The following CCDC43 variants were observed in gnomAD, a reference collection of about 807,000 sequenced individuals.
CCDC43 encodes coiled-coil domain containing 43, also known as coiled-coil domain-containing protein 43.
In CCDC43, 20 loss-of-function variants were observed where a neutral mutation model predicts 33.3. That is an observed-to-expected ratio of 0.60 (90% CI 0.42 to 0.87). CCDC43 has a LOEUF of 0.87. Among genes scored for constraint, CCDC43 ranks in the 40% least tolerant of loss-of-function variants. The probability of loss-of-function intolerance (pLI) is 0.00; values close to 1 mark genes in which losing one functional copy is unlikely to be tolerated. For synonymous variants in CCDC43, 104 were observed against 106.5 expected (o/e 0.98, Z 0.14); for missense variants, 248 against 269.9 (o/e 0.92, Z 0.57).
intron 3 of CCDC43, 81 bp from the exon 4 acceptor site, chr17:44,680,724 G>C: frequency 9.8e-7 from 1 of 1,019,886 alleles, no homozygotes; most frequent in Non-Finnish European, 1.5e-6. Context: ...TGGTAAGTAG[G>C]AAAAGCACAC....
At chr17:44,681,263 A>C (rs1598734013) in intron 3 of CCDC43, among the ~76,000 whole-genome samples, 1 of 152,080 alleles carries the variant, frequency 6.6e-6, no homozygotes, top group Non-Finnish European at 1.5e-5. Context: ...ATGGTGAAAC[A>C]CTGTCTCTAC....
intron 1 of CCDC43, among the ~76,000 whole-genome samples, chr17:44,688,633 G>A (rs1598736816): frequency 1.3e-5 from 2 of 152,202 alleles, no homozygotes; most frequent in South Asian, 4.1e-4. Context: ...CATGAATGCA[G>A]AGACAACTCT....
chr17:44,683,299 GGGCA>G (rs1972189173), intron 2 of CCDC43, among the ~76,000 whole-genome samples: 1 of 152,126 alleles, frequency 6.6e-6, no homozygotes, highest in Admixed American at 6.5e-5. Context: ...AGGCTGAGGT[GGGCA>G]GATCACATGA....
intron 1 of CCDC43, among the ~76,000 whole-genome samples, chr17:44,685,874 G>A (rs1972227066): frequency 6.6e-6 from 1 of 152,130 alleles, no homozygotes; most frequent in African/African-American, 2.4e-5. Context: ...AGTAATAATG[G>A]ATTAAACACA....
chr17:44,678,915 T>C lies in CCDC43; in HGVS notation c.616A>G (p.Lys206Glu), dbSNP rs2144685228. 6.2e-7 allele frequency: 1 copy of C among 1,613,886 alleles called. No homozygotes were observed. Among genetic ancestry groups the C allele is most frequent in the Middle Eastern group, 1.6e-4 (1 of 6,062 alleles). The change falls in exon 5 of 5, where the codon AAG (lysine) becomes GAG (glutamate). Residue 206 changes from lysine (K) to glutamate (E), a missense_variant. Coordinates refer to ENST00000315286, the MANE Select transcript of CCDC43 (RefSeq NM_144609.3). ...KLQRERDKLA[K>E]QERKEKEKKR... Reference sequence around the variant, plus strand: ...TTTTCCTTTTCCTTGCGCTCCTGCTTGGCTAGTTTGTCTCTCTCCCTCTGC... The same window carrying C: ...TTTTCCTTTTCCTTGCGCTCCTGCTCGGCTAGTTTGTCTCTCTCCCTCTGC...
intron 1 of CCDC43, among the ~76,000 whole-genome samples, chr17:44,684,374 A>C (rs1248220781): frequency 6.6e-6 from 1 of 152,148 alleles, no homozygotes; most frequent in Non-Finnish European, 1.5e-5. Context: ...CAAATCTATC[A>C]CCTCACATAT....
Position 44,679,048 on chromosome 17 carries a change from A to G in CCDC43, c.488-5T>C. On this transcript the variant is annotated splice_polypyrimidine_tract_variant and splice_region_variant and intron_variant, in intron 4 of 4. Transcript: ENST00000315286. Reference sequence around the variant, plus strand: ...CATTGGTGTTTCGGAACAGAACTACAGGTGAGTTAAGGGATTAGGGTACAG... The same window carrying G: ...CATTGGTGTTTCGGAACAGAACTACGGGTGAGTTAAGGGATTAGGGTACAG... The G allele has an allele frequency of 6.2e-7, 1 of 1,611,834 alleles. No individual in the cohort carries two copies. The highest frequency in any genetic ancestry group is 8.5e-7 in the Non-Finnish European group (1 of 1,178,764).
Position 44,677,499 on chromosome 17 carries a change from A to G in CCDC43, c.*1357T>C, listed in dbSNP as rs940763810. ...TTATTTTTATTTTTTGCAATGCCAC[A>G]GTTATAGGAGTGTATGAAGAGGTAA... On this transcript the variant is annotated 3_prime_UTR_variant, in exon 5 of 5. Transcript: ENST00000315286. The G allele has an allele frequency of 1.3e-5, 2 of 151,936 alleles. No individual in the cohort carries two copies. Among genetic ancestry groups the G allele is most frequent in the Non-Finnish European group, 2.9e-5 (2 of 67,956 alleles). The allele number at this position is 151,936 out of a possible 1,614,324, so 9.4% of individuals were successfully genotyped here.
intron 1 of CCDC43, among the ~76,000 whole-genome samples, chr17:44,684,816 T>C (rs1285112120): frequency 6.6e-6 from 1 of 152,222 alleles, no homozygotes; most frequent in East Asian, 1.9e-4. Context: ...GGTCTCACTC[T>C]GTTACCCAGG....
intron 3 of CCDC43, chr17:44,681,737 C>A: frequency 2.4e-6 from 1 of 418,896 alleles, no homozygotes; most frequent in Admixed American, 3.8e-5. Context: ...TTTCTGAAAG[C>A]ATAATATAAA....
Position 44,678,780 on chromosome 17 carries a change from C to T in CCDC43, c.*76G>A. 1 of 1,415,608 alleles carries T rather than the reference C, an allele frequency of 7.1e-7. No individual in the cohort carries two copies. Among genetic ancestry groups the T allele is most frequent in the East Asian group, 2.4e-5 (1 of 41,756 alleles). The allele number at this position is 1,415,608 out of a possible 1,614,324, so 87.7% of individuals were successfully genotyped here. On this transcript the variant is annotated 3_prime_UTR_variant, in exon 5 of 5. Transcript: ENST00000315286. Reference sequence around the variant, plus strand: ...CCTTGGGAAACTACTTTGCAATGCACTCTCATTTCTCTTAAATACACAACC... The same window carrying T: ...CCTTGGGAAACTACTTTGCAATGCATTCTCATTTCTCTTAAATACACAACC...
intron 4 of CCDC43, 124 bp downstream of exon 4, chr17:44,680,461 C>G: frequency 1.4e-6 from 1 of 696,308 alleles, no homozygotes; most frequent in South Asian, 1.8e-5. Flanking sequence ...GAATAGGGCT[C>G]CCAATGTTAG....
intron 1 of CCDC43, among the ~76,000 whole-genome samples, chr17:44,686,271 TATG>T (rs778529191): frequency 4.6e-5 from 7 of 152,180 alleles, no homozygotes; most frequent in Non-Finnish European, 1.0e-4. Context: ...ACAGACTTAT[TATG>T]TATATCCTTA....
intron 3 of CCDC43, 65 bp downstream of exon 3, chr17:44,681,938 T>C (rs1972169215): frequency 2.5e-6 from 4 of 1,604,342 alleles, no homozygotes; most frequent in Non-Finnish European, 1.7e-6. Context: ...CAAAGGTCAC[T>C]GTAAACCCAC....
At chr17:44,682,852 G>A (rs191579948) in intron 2 of CCDC43, among the ~76,000 whole-genome samples, 9 of 151,348 alleles carry the variant, frequency 5.9e-5, no homozygotes, top group African/African-American at 1.7e-4. Context: ...GCAAAACTCC[G>A]TCTCAAAAAA....
intron 1 of CCDC43, 87 bp from the exon 2 acceptor site, chr17:44,684,046 C>T: frequency 2.5e-6 from 2 of 807,862 alleles, no homozygotes; most frequent in South Asian, 1.4e-5. Flanking sequence ...GAAAGCACAG[C>T]TCTCCATGCT....
intron 4 of CCDC43, 44 bp from the exon 5 acceptor site, chr17:44,679,087 C>T (rs773380677): frequency 1.3e-6 from 2 of 1,483,810 alleles, no homozygotes; most frequent in East Asian, 2.3e-5. Context: ...ACACAGATCA[C>T]ACCTACTGCT....
At position 44,689,607 on chromosome 17, in the gene CCDC43, C is replaced by T. The variant is rs772402183; in HGVS notation, c.147G>A (p.Gln49=). 1.9e-6 allele frequency: 3 copies of T among 1,614,016 alleles called. No individual in the cohort carries two copies. Among genetic ancestry groups the T allele is most frequent in the Non-Finnish European group, 2.5e-6 (3 of 1,179,878 alleles). The change falls in exon 1 of 5, where the codon CAG becomes CAA. Residue 49 remains glutamine, a synonymous_variant. Coordinates refer to ENST00000315286, the MANE Select transcript of CCDC43 (RefSeq NM_144609.3). ...VYGAYILGIL[Q]EEEEEEKLDA... ...CCAGCTTCTCTTCTTCCTCCTCCTC[C>T]TGCAGGATACCCAAGATGTAGGCTC...
intron 1 of CCDC43, among the ~76,000 whole-genome samples, chr17:44,686,273 T>C (rs934167012): frequency 6.6e-6 from 1 of 152,216 alleles, no homozygotes; most frequent in African/African-American, 2.4e-5. Context: ...AGACTTATTA[T>C]GTATATCCTT....
Sources: allele counts gnomAD v4.1 joint callset (sites outside exome capture counted in the v4.1 genomes callset), GRCh38; gene constraint gnomAD v4.1.1; transcripts MANE v1.5; gene names NCBI Gene and HGNC (gene_info 2026-07-23, HGNC 2026-07-21).